The following SMIM43 variants were observed in gnomAD, a reference collection of about 807,000 sequenced individuals.
SMIM43 encodes small integral membrane protein 43, also known as Nodal Enhanced MEsendoderm Peptide.
At chr4:121,760,946 T>A (rs993479271) in intron 5 of SMIM43, among the ~76,000 whole-genome samples, 1 of 152,240 alleles carries the variant, frequency 6.6e-6, no homozygotes, top group East Asian at 1.9e-4. Context: ...TTTTTCTGCA[T>A]GCTTATTAAG....
Position 121,759,255 on chromosome 4 carries a change from T to G in SMIM43, c.*1719A>C, listed in dbSNP as rs1309703961. The G allele has an allele frequency of 6.6e-6, 1 of 152,194 alleles. No individual in the cohort carries two copies. 9.4% of individuals were successfully genotyped at this position (152,194 alleles called of 1,614,324 possible). On this transcript the variant is annotated 3_prime_UTR_variant, in exon 6 of 6. Transcript: ENST00000643802. ...ATATGTGCAATATATAGATGTCAAG[T>G]TAACATCTTGAATTTAATTCCAAAT...
chr4:121,761,607 G>A lies in SMIM43; in HGVS notation c.*430C>T. 1 of 1,613,188 alleles carries A rather than the reference G, an allele frequency of 6.2e-7. No individual in the cohort carries two copies. Among genetic ancestry groups the A allele is most frequent in the Non-Finnish European group, 8.5e-7 (1 of 1,179,674 alleles). On this transcript the variant is annotated 3_prime_UTR_variant, in exon 5 of 6. Transcript: ENST00000643802. ...CTGGCACCTTGCCATTCCCAGAAAA[G>A]CCAGTGCATGGCACACTCTGGGTAA... is the stretch of plus-strand genomic sequence containing the variant.
At position 121,763,287 on chromosome 4, in the gene SMIM43, T is replaced by C. The variant is rs116475599; in HGVS notation, c.*206+477A>G. 7.2e-3 allele frequency among the ~76,000 whole-genome samples: 1,096 copies of C among 152,366 alleles called. 10 individuals carry two copies. Among genetic ancestry groups the C allele is most frequent in the Non-Finnish European group, 0.011 (779 of 68,036 alleles). On this transcript the variant is annotated intron_variant, in intron 2 of 5. Transcript: ENST00000643802. ...ATAATTGTCTTACACTTCACTTTTA[T>C]ATTATCAACTTAGGCAAACTTTAGT...
intron 2 of SMIM43, among the ~76,000 whole-genome samples, 197 bp from the exon 3 acceptor site, chr4:121,762,995 T>C (rs546859334): frequency 6.1e-4 from 93 of 152,356 alleles, no homozygotes; most frequent in African/African-American, 2.0e-3. Context: ...ACTGCAGAGA[T>C]ATCAACCAAT....
chr4:121,761,487 GA>G, intron 5 of SMIM43, 50 bp downstream of exon 5: 1 of 1,502,624 alleles, frequency 6.7e-7, no homozygotes, highest in South Asian at 1.4e-5. Context: ...GACAAAATTG[GA>G]AATATAGAAT....
Position 121,760,042 on chromosome 4 carries a change from T to G in SMIM43, c.*932A>C. 5.8e-6 allele frequency: 2 copies of G among 344,486 alleles called. No individual in the cohort carries two copies. The highest frequency in any genetic ancestry group is 2.1e-5 in the African/African-American group (1 of 46,960). 21.3% of individuals were successfully genotyped at this position (344,486 alleles called of 1,614,324 possible). A position where few individuals can be genotyped will look rare whatever the true frequency, so the allele number is the denominator to read the frequency against. ...GAGGTCAGCCCTGTCAAGAGTTTTG[T>G]GAGAACACCTGACATGCCTTCACTC... On this transcript the variant is annotated 3_prime_UTR_variant, in exon 6 of 6. Coordinates refer to ENST00000643802, the MANE Select transcript of SMIM43 (RefSeq NM_001384332.1).
rs754134166 is a variant in SMIM43, at chr4:121,761,669, C to T, written c.*368G>A. On this transcript the variant is annotated 3_prime_UTR_variant, in exon 5 of 6. Coordinates refer to ENST00000643802, the MANE Select transcript of SMIM43 (RefSeq NM_001384332.1). ...TATTCTGTAGAATCGCACCAGATGGCATCAGTTCTGCATCTACAGCTGTGC... is the reference window on the plus strand; with the variant it reads ...TATTCTGTAGAATCGCACCAGATGGTATCAGTTCTGCATCTACAGCTGTGC... 1.2e-6 allele frequency: 2 copies of T among 1,613,512 alleles called. No individual in the cohort carries two copies. The highest frequency in any genetic ancestry group is 1.7e-6 in the Non-Finnish European group (2 of 1,179,806).
rs779808062 is a variant in SMIM43, at chr4:121,760,454, C to T, written c.*520G>A. On this transcript the variant is annotated 3_prime_UTR_variant, in exon 6 of 6. Transcript: ENST00000643802. The stretch of plus-strand genomic sequence containing the variant: ...GCTTCCTCCTTCTTCTTGTGGGGTG[C>T]TGCGGGGACCATCTTGGAACCTGGA... The T allele has an allele frequency of 1.1e-5, 17 of 1,548,388 alleles. No individual in the cohort carries two copies. In the South Asian group the frequency reaches 2.0e-4, roughly 18 times the overall value.
intron 1 of SMIM43, 43 bp from the exon 2 acceptor site, chr4:121,763,915 G>A (rs1301905685): frequency 6.6e-6 from 1 of 152,150 alleles, no homozygotes; most frequent in Non-Finnish European, 1.5e-5. Context: ...AGCTACTGAA[G>A]GATGAAGATA....
At chr4:121,765,402 G>A, upstream of SMIM43, 2 of 237,098 alleles carry the variant, frequency 8.4e-6, no homozygotes, top group Non-Finnish European at 8.1e-6. Context: ...ACTTCCGCGG[G>A]CACGGACGCC....
At chr4:121,765,363 G>C, upstream of SMIM43, 1 of 294,828 alleles carries the variant, frequency 3.4e-6, no homozygotes, top group Non-Finnish European at 6.2e-6. Flanking sequence ...AGGTGCTCTT[G>C]AGGACGCGAG....
intron 2 of SMIM43, among the ~76,000 whole-genome samples, chr4:121,763,051 T>G (rs1037583882): frequency 2.0e-5 from 3 of 152,226 alleles, no homozygotes; most frequent in African/African-American, 7.2e-5. Flanking sequence ...CTGCAGTTGA[T>G]TCAGGGAGTT....
Position 121,759,028 on chromosome 4 carries a change from C to T in SMIM43, c.*1946G>A, listed in dbSNP as rs72913985. On this transcript the variant is annotated 3_prime_UTR_variant, in exon 6 of 6. Transcript: ENST00000643802. Reference sequence around the variant, plus strand: ...CATACACAGAATAATCATTTAGCTGCCACAATATTACAAAAATAAAATGAC... The same window carrying T: ...CATACACAGAATAATCATTTAGCTGTCACAATATTACAAAAATAAAATGAC... 2.3e-3 allele frequency: 343 copies of T among 152,168 alleles called. No homozygotes were observed. The highest frequency in any genetic ancestry group is 8.0e-3 in the African/African-American group (331 of 41,508). 9.4% of individuals were successfully genotyped at this position (152,168 alleles called of 1,614,324 possible).
rs563392656 is a variant in SMIM43 at position 121,759,372 on chromosome 4, T to A, written c.*1602A>T. 1 of 152,218 alleles carries A rather than the reference T, an allele frequency of 6.6e-6. No homozygotes were observed. The highest frequency in any genetic ancestry group is 2.4e-5 in the African/African-American group (1 of 41,520). The allele number at this position is 152,218 out of a possible 1,614,324, so 9.4% of individuals were successfully genotyped here. A position where few individuals can be genotyped will look rare whatever the true frequency, so the allele number is the denominator to read the frequency against. ...ACCAAGCCCATGACTGACCCACACC[T>A]CTCCCAGCTGGTTCTACAACACAAG... On this transcript the variant is annotated 3_prime_UTR_variant, in exon 6 of 6. Transcript: ENST00000643802.
chr4:121,761,351 A>G (rs1056021765), intron 5 of SMIM43, among the ~76,000 whole-genome samples, 187 bp downstream of exon 5: 1 of 152,228 alleles, frequency 6.6e-6, no homozygotes, highest in Admixed American at 6.5e-5. Flanking sequence ...AACAGTCTCT[A>G]GATTAGTAAG....
intron 3 of SMIM43, 35 bp downstream of exon 3, chr4:121,762,692 T>C (rs1039058647): frequency 6.6e-6 from 1 of 152,118 alleles, no homozygotes; most frequent in Non-Finnish European, 1.5e-5. Context: ...AGCTGAGAGA[T>C]TGGATTAATA....
intron 5 of SMIM43, 47 bp downstream of exon 5, chr4:121,761,491 T>C (rs558949688): frequency 2.0e-6 from 3 of 1,514,332 alleles, no homozygotes; most frequent in African/African-American, 2.8e-5. Flanking sequence ...AAATTGGAAA[T>C]ATAGAATGTC....
intron 3 of SMIM43, among the ~76,000 whole-genome samples, chr4:121,762,138 C>T (rs1246912308): frequency 1.3e-5 from 2 of 152,070 alleles, no homozygotes; most frequent in African/African-American, 4.8e-5. Context: ...ATGTCTAGCT[C>T]ATATATATAC....
At chr4:121,765,284 G>T (rs1273406320), upstream of SMIM43, 2 of 370,528 alleles carry the variant, frequency 5.4e-6, no homozygotes, top group Non-Finnish European at 9.6e-6. Flanking sequence ...ACGCGCCAAG[G>T]AGCTGAGGAA....
Sources: allele counts gnomAD v4.1 joint callset (sites outside exome capture counted in the v4.1 genomes callset), GRCh38; gene constraint gnomAD v4.1.1; transcripts MANE v1.5; gene names NCBI Gene and HGNC (gene_info 2026-07-23, HGNC 2026-07-21).